Variants in RHOB observed in about 807,000 individuals in gnomAD.
The protein encoded by RHOB is ras homolog family member B.
A neutral mutation model predicts 12.9 loss-of-function variants in RHOB; 6 were observed. The observed-to-expected ratio is 0.47, with a 90% confidence interval of 0.25 to 0.92. RHOB has a LOEUF of 0.92. RHOB is among the 40% of genes least tolerant of loss of function. RHOB has a pLI of 0.16. For missense variants in RHOB, 142 were observed against 277.9 expected (o/e 0.51, Z 3.48); for synonymous variants, 168 against 122.1 (o/e 1.38, Z -2.48).
chr2:20,447,214 C>G lies in RHOB; in HGVS notation c.-252C>G. 2.8e-6 allele frequency: 1 copy of G among 355,388 alleles called. No individual in the cohort carries two copies. The highest frequency in any genetic ancestry group is 5.0e-6 in the Non-Finnish European group (1 of 200,262). 22.0% of individuals were successfully genotyped at this position (355,388 alleles called of 1,614,324 possible). On this transcript the variant is annotated 5_prime_UTR_variant, in exon 1 of 1. Coordinates refer to ENST00000272233, the MANE Select transcript of RHOB (RefSeq NM_004040.4). ...TACGCACAAAGCCGCCGATCCCCGGCCTGGGGTGAGCAGAGCGACCACCGC... is the reference window on the plus strand; with the variant it reads ...TACGCACAAAGCCGCCGATCCCCGGGCTGGGGTGAGCAGAGCGACCACCGC...
At position 20,447,712 on chromosome 2, in the gene RHOB, T is replaced by A; in HGVS notation, c.247T>A (p.Cys83Ser). ...CCCGGACACCGACGTCATTCTCATG[T>A]GCTTCTCGGTGGACAGCCCGGACTC... is the stretch of plus-strand genomic sequence containing the variant. ...SYPDTDVILM[C>S]FSVDSPDSLE... Residue 83 changes from cysteine to serine, a missense_variant, in exon 1 of 1, where the codon TGC (cysteine) becomes AGC (serine). Coordinates refer to ENST00000272233, the MANE Select transcript of RHOB (RefSeq NM_004040.4). 1.9e-6 allele frequency: 3 copies of A among 1,613,546 alleles called. No homozygotes were observed. Among genetic ancestry groups the A allele is most frequent in the Non-Finnish European group, 2.5e-6 (3 of 1,179,846 alleles).
At position 20,448,768 on chromosome 2, in the gene RHOB, G is replaced by C. The variant is rs1469844739; in HGVS notation, c.*712G>C. On this transcript the variant is annotated 3_prime_UTR_variant, in exon 1 of 1. Transcript: ENST00000272233. ...CCAGCCCGCTGCGAACCCTCCACCA[G>C]CTACCGGAGGGAGGAGGGAGGATGC... The C allele has an allele frequency of 6.0e-6, 1 of 167,154 alleles. No homozygotes were observed. The highest frequency in any genetic ancestry group is 2.4e-5 in the African/African-American group (1 of 41,474). 10.4% of individuals were successfully genotyped at this position (167,154 alleles called of 1,614,324 possible).
chr2:20,448,213 C>T lies in RHOB; in HGVS notation c.*157C>T, dbSNP rs1691039522. 3 of 690,524 alleles carry T rather than the reference C, an allele frequency of 4.3e-6. No homozygotes were observed. The highest frequency in any genetic ancestry group is 1.9e-5 in the South Asian group (1 of 52,348). The allele number at this position is 690,524 out of a possible 1,614,324, so 42.8% of individuals were successfully genotyped here. ...GCCTCTGGCTTGCGCCAGGACTTGG[C>T]GTGGGCACCGGGCGCCCCCATCCCA... On this transcript the variant is annotated 3_prime_UTR_variant, in exon 1 of 1. Transcript: ENST00000272233.
chr2:20,447,978 C>T lies in RHOB; in HGVS notation c.513C>T (p.Phe171=), dbSNP rs1176095869. 6.2e-7 allele frequency: 1 copy of T among 1,612,936 alleles called. No homozygotes were observed. The highest frequency in any genetic ancestry group is 1.3e-5 in the African/African-American group (1 of 75,056). Residue 171 remains phenylalanine (F), a synonymous_variant, in exon 1 of 1, where the codon TTC becomes TTT. Coordinates refer to ENST00000272233, the MANE Select transcript of RHOB (RefSeq NM_004040.4). ...CCAAGGAAGGCGTGCGCGAGGTCTTCGAGACGGCCACGCGCGCCGCGCTGC... is the reference window on the plus strand; with the variant it reads ...CCAAGGAAGGCGTGCGCGAGGTCTTTGAGACGGCCACGCGCGCCGCGCTGC... ...AKTKEGVREV[F]ETATRAALQK... is the part of the protein sequence containing the mutation.
chr2:20,447,318 C>T lies in RHOB; in HGVS notation c.-148C>T. The T allele has an allele frequency of 1.9e-6, 1 of 536,930 alleles. No homozygotes were observed. Among genetic ancestry groups the T allele is most frequent in the Non-Finnish European group, 3.0e-6 (1 of 335,318 alleles). 33.3% of individuals were successfully genotyped at this position (536,930 alleles called of 1,614,324 possible). Reference sequence around the variant, plus strand: ...CGCCCCCGCCGCGGCAGCCGAAGCGCAGCGAGAGAACGCGCCACCGCGGGG... The same window carrying T: ...CGCCCCCGCCGCGGCAGCCGAAGCGTAGCGAGAGAACGCGCCACCGCGGGG... On this transcript the variant is annotated 5_prime_UTR_variant, in exon 1 of 1. Coordinates refer to ENST00000272233, the MANE Select transcript of RHOB (RefSeq NM_004040.4).
rs769446969 is a variant in RHOB at position 20,448,107 on chromosome 2, C to T, written c.*51C>T. 2.0e-6 allele frequency: 3 copies of T among 1,485,636 alleles called. No individual in the cohort carries two copies. The highest frequency in any genetic ancestry group is 1.8e-6 in the Non-Finnish European group (2 of 1,089,936). 92.0% of individuals were successfully genotyped at this position (1,485,636 alleles called of 1,614,324 possible). On this transcript the variant is annotated 3_prime_UTR_variant, in exon 1 of 1. Coordinates refer to ENST00000272233, the MANE Select transcript of RHOB (RefSeq NM_004040.4). ...TGCCGGCACGGCTCCCCCTCCTGGA[C>T]CAGTCCCCCGCGAGCCCGGAGAAGG...
Position 20,447,195 on chromosome 2 carries a change from C to G in RHOB, c.-271C>G, listed in dbSNP as rs2149247940. 1 of 331,762 alleles carries G rather than the reference C, an allele frequency of 3.0e-6. No individual in the cohort carries two copies. Among genetic ancestry groups the G allele is most frequent in the Admixed American group, 5.0e-5 (1 of 20,136 alleles). The allele number at this position is 331,762 out of a possible 1,614,324, so 20.6% of individuals were successfully genotyped here. ...CTGCTGCCCGAGCCCGCGTTACGCA[C>G]AAAGCCGCCGATCCCCGGCCTGGGG... On this transcript the variant is annotated 5_prime_UTR_variant, in exon 1 of 1. Coordinates refer to ENST00000272233, the MANE Select transcript of RHOB (RefSeq NM_004040.4).
rs2149247908 is a variant in RHOB at position 20,447,115 on chromosome 2, T to C, written c.-351T>C. 2 of 228,452 alleles carry C rather than the reference T, an allele frequency of 8.8e-6. No individual in the cohort carries two copies. The highest frequency in any genetic ancestry group is 1.7e-5 in the Non-Finnish European group (2 of 117,942). 14.2% of individuals were successfully genotyped at this position (228,452 alleles called of 1,614,324 possible). ...TGGTTGGAGCTGTTGTCTTGTATGC[T>C]CAGCGAGGCCCGGAGAGACCCGGGA... is the stretch of plus-strand genomic sequence containing the variant. On this transcript the variant is annotated 5_prime_UTR_variant, in exon 1 of 1. Transcript: ENST00000272233.
rs1017601191 is a variant in RHOB at position 20,448,134 on chromosome 2, G to A, written c.*78G>A. The A allele has an allele frequency of 2.1e-5, 27 of 1,286,998 alleles. No individual in the cohort carries two copies. In the African/African-American group the frequency reaches 2.8e-4, roughly 13 times the overall value. 79.7% of individuals were successfully genotyped at this position (1,286,998 alleles called of 1,614,324 possible). ...AGTCCCCCGCGAGCCCGGAGAAGGG[G>A]AGACCCGTGTCCCACAAGGACCCCA... On this transcript the variant is annotated 3_prime_UTR_variant, in exon 1 of 1. Transcript: ENST00000272233.
rs773007113 is a variant in RHOB, at chr2:20,448,064, G to A, written c.*8G>A. ...TGCTGCAAGGTGCTATGAGGGCCGCGCCCGTCGCGCCTGCCCCTGCCGGCA... is the reference window on the plus strand; with the variant it reads ...TGCTGCAAGGTGCTATGAGGGCCGCACCCGTCGCGCCTGCCCCTGCCGGCA... On this transcript the variant is annotated 3_prime_UTR_variant, in exon 1 of 1. Coordinates refer to ENST00000272233, the MANE Select transcript of RHOB (RefSeq NM_004040.4). The A allele has an allele frequency of 1.3e-6, 2 of 1,595,496 alleles. No individual in the cohort carries two copies. Among genetic ancestry groups the A allele is most frequent in the Admixed American group, 3.4e-5 (2 of 59,174 alleles).
rs776970712 is a variant in RHOB at position 20,447,437 on chromosome 2, C to T, written c.-29C>T. On this transcript the variant is annotated 5_prime_UTR_variant, in exon 1 of 1. Coordinates refer to ENST00000272233, the MANE Select transcript of RHOB (RefSeq NM_004040.4). ...GAGGGCAGCGAGGCGTTCGCGGGCC[C>T]CCTCCTGCTGCCCGGGCCCGGCCCG... The T allele has an allele frequency of 1.3e-5, 21 of 1,560,006 alleles. No individual in the cohort carries two copies. In the South Asian group the frequency reaches 2.4e-4, roughly 18 times the overall value.
chr2:20,447,319 A>G lies in RHOB; in HGVS notation c.-147A>G, dbSNP rs1691016410. The G allele has an allele frequency of 3.7e-6, 2 of 537,274 alleles. No individual in the cohort carries two copies. The allele number at this position is 537,274 out of a possible 1,614,324, so 33.3% of individuals were successfully genotyped here. On this transcript the variant is annotated 5_prime_UTR_variant, in exon 1 of 1. Transcript: ENST00000272233. ...GCCCCCGCCGCGGCAGCCGAAGCGCAGCGAGAGAACGCGCCACCGCGGGGC... is the reference window on the plus strand; with the variant it reads ...GCCCCCGCCGCGGCAGCCGAAGCGCGGCGAGAGAACGCGCCACCGCGGGGC...
Position 20,448,000 on chromosome 2 carries a change from C to G in RHOB, c.535C>G (p.Leu179Val). The change falls in exon 1 of 1, where the codon CTG becomes GTG. Residue 179 changes from leucine to valine, a missense_variant. Physicochemically the swap from Leu to Val is conservative, Grantham distance 32. Coordinates refer to ENST00000272233, the MANE Select transcript of RHOB (RefSeq NM_004040.4). ...CTTCGAGACGGCCACGCGCGCCGCG[C>G]TGCAGAAGCGCTACGGCTCCCAGAA... Reference protein sequence around the residue: ...EVFETATRAALQKRYGSQNGC... With the variant: ...EVFETATRAAVQKRYGSQNGC... The G allele has an allele frequency of 6.2e-7, 1 of 1,612,744 alleles. No homozygotes were observed. Among genetic ancestry groups the G allele is most frequent in the Non-Finnish European group, 8.5e-7 (1 of 1,179,880 alleles).
At position 20,448,949 on chromosome 2, in the gene RHOB, CTCG is replaced by C. The variant is rs1389305457; in HGVS notation, c.*896_*898del. On this transcript the variant is annotated 3_prime_UTR_variant, in exon 1 of 1. Coordinates refer to ENST00000272233, the MANE Select transcript of RHOB (RefSeq NM_004040.4). ...GTTTCATTGTTTGACACTTAATGCA[CTCG>C]TCATTTGCATACGACAGTAGCATTC... The C allele has an allele frequency of 1.8e-5, 3 of 167,270 alleles. No individual in the cohort carries two copies. The highest frequency in any genetic ancestry group is 6.5e-5 in the Admixed American group (1 of 15,316). The allele number at this position is 167,270 out of a possible 1,614,324, so 10.4% of individuals were successfully genotyped here. A position where few individuals can be genotyped will look rare whatever the true frequency, so the allele number is the denominator to read the frequency against.
rs1691023948 is a variant in RHOB at position 20,447,612 on chromosome 2, C to A, written c.147C>A (p.Asp49Glu). 3.7e-6 allele frequency: 6 copies of A among 1,614,058 alleles called. No homozygotes were observed. Among genetic ancestry groups the A allele is most frequent in the Non-Finnish European group, 5.1e-6 (6 of 1,180,028 alleles). The change falls in exon 1 of 1, where the codon GAC becomes GAA. Residue 49 changes from aspartate to glutamate, a missense_variant. Physicochemically the swap from Asp to Glu is conservative, Grantham distance 45 (BLOSUM62 2). This residue lies in a region of RHOB where 29 missense variants were observed against 111.5 expected (regional missense o/e 0.26). Transcript: ENST00000272233. Reference sequence around the variant, plus strand: ...ACTATGTGGCCGACATTGAGGTGGACGGCAAGCAGGTGGAGCTGGCGCTGT... The same window carrying A: ...ACTATGTGGCCGACATTGAGGTGGAAGGCAAGCAGGTGGAGCTGGCGCTGT... Reference protein sequence around the residue: ...FENYVADIEVDGKQVELALWD... With the variant: ...FENYVADIEVEGKQVELALWD...
At position 20,448,149 on chromosome 2, in the gene RHOB, C is replaced by G; in HGVS notation, c.*93C>G. The G allele has an allele frequency of 1.8e-6, 2 of 1,126,442 alleles. No individual in the cohort carries two copies. The highest frequency in any genetic ancestry group is 2.5e-6 in the Non-Finnish European group (2 of 795,412). 69.8% of individuals were successfully genotyped at this position (1,126,442 alleles called of 1,614,324 possible). On this transcript the variant is annotated 3_prime_UTR_variant, in exon 1 of 1. Transcript: ENST00000272233. Reference sequence around the variant, plus strand: ...CGGAGAAGGGGAGACCCGTGTCCCACAAGGACCCCACCGGCCTGCCTGGCA... The same window carrying G: ...CGGAGAAGGGGAGACCCGTGTCCCAGAAGGACCCCACCGGCCTGCCTGGCA...
chr2:20,448,094 T>C lies in RHOB; in HGVS notation c.*38T>C. 6.5e-7 allele frequency: 1 copy of C among 1,536,356 alleles called. No individual in the cohort carries two copies. Among genetic ancestry groups the C allele is most frequent in the South Asian group, 1.2e-5 (1 of 84,738 alleles). Reference sequence around the variant, plus strand: ...TCGCGCCTGCCCCTGCCGGCACGGCTCCCCCTCCTGGACCAGTCCCCCGCG... The same window carrying C: ...TCGCGCCTGCCCCTGCCGGCACGGCCCCCCCTCCTGGACCAGTCCCCCGCG... On this transcript the variant is annotated 3_prime_UTR_variant, in exon 1 of 1. Transcript: ENST00000272233.
Position 20,447,732 on chromosome 2 carries a change from G to A in RHOB, c.267G>A (p.Pro89=). 6.3e-7 allele frequency: 1 copy of A among 1,592,534 alleles called. No homozygotes were observed. The highest frequency in any genetic ancestry group is 8.5e-7 in the Non-Finnish European group (1 of 1,169,610). Residue 89 remains proline (P), a synonymous_variant, in exon 1 of 1, where the codon CCG becomes CCA. Coordinates refer to ENST00000272233, the MANE Select transcript of RHOB (RefSeq NM_004040.4). The stretch of plus-strand genomic sequence containing the variant: ...TCATGTGCTTCTCGGTGGACAGCCC[G>A]GACTCGCTGGAGAACATCCCCGAGA... ...VILMCFSVDS[P]DSLENIPEKW...
At position 20,449,321 on chromosome 2, in the gene RHOB, T is replaced by G. The variant is rs979606834; in HGVS notation, c.*1265T>G. ...TACTAAATTGTTGTCTTGTTTTTTA[T>G]TTTTTAAATAAACTGACAAATGACA... On this transcript the variant is annotated 3_prime_UTR_variant, in exon 1 of 1. Transcript: ENST00000272233. 1.8e-5 allele frequency: 3 copies of G among 167,042 alleles called. No individual in the cohort carries two copies. Among genetic ancestry groups the G allele is most frequent in the Non-Finnish European group, 4.4e-5 (3 of 68,116 alleles). The allele number at this position is 167,042 out of a possible 1,614,324, so 10.3% of individuals were successfully genotyped here. A position where few individuals can be genotyped will look rare whatever the true frequency, so the allele number is the denominator to read the frequency against.
Sources: allele counts gnomAD v4.1 joint callset, GRCh38; gene constraint gnomAD v4.1.1; regional missense constraint gnomAD v4.1.1; transcripts MANE v1.5; gene names NCBI Gene and HGNC (gene_info 2026-07-23, HGNC 2026-07-21).